The following CCNY variants were observed in gnomAD, a reference collection of about 807,000 sequenced individuals.
CCNY encodes cyclin-Y.
In CCNY, 19 loss-of-function variants were observed where a neutral mutation model predicts 42.8. That is an observed-to-expected ratio of 0.44 (90% CI 0.31 to 0.65). The LOEUF (loss-of-function observed/expected upper bound fraction) is 0.65. Ranked by LOEUF, CCNY falls within the 30% of genes least tolerant of loss-of-function variation. The pLI, the probability that CCNY is intolerant of heterozygous loss-of-function variation, is 0.07. For synonymous variants in CCNY, 165 were observed against 162.7 expected (o/e 1.01, Z -0.11); for missense variants, 370 against 437.3 (o/e 0.85, Z 1.37).
chr10:35,566,210 T>C, intron 9 of CCNY, 25 bp downstream of exon 9: 1 of 1,601,978 alleles, frequency 6.2e-7, no homozygotes. Context: ...AACAGCGTTT[T>C]GTGGTGCAGT....
At chr10:35,486,851 C>T (rs1341019351) in intron 2 of CCNY, among the ~76,000 whole-genome samples, 1 of 152,200 alleles carries the variant, frequency 6.6e-6, no homozygotes, top group Non-Finnish European at 1.5e-5. Context: ...TTCTTCTGTC[C>T]TCCAGGCTCC....
chr10:35,513,887 A>G (rs746596265), intron 3 of CCNY, among the ~76,000 whole-genome samples: 7 of 152,202 alleles, frequency 4.6e-5, no homozygotes, highest in Non-Finnish European at 8.8e-5. Context: ...ATTAACAAAA[A>G]TATTTTGAGT....
intron 4 of CCNY, among the ~76,000 whole-genome samples, chr10:35,522,497 AGGGCAATAAGAGCCACACTCCAGG>A (rs1840569352): frequency 6.6e-6 from 1 of 152,180 alleles, no homozygotes; most frequent in African/African-American, 2.4e-5. Context: ...TCTCTGGGCA[AGGGCAATAAGAGCCACACTCCAGG>A]GGGAGGCCAA....
intron 3 of CCNY, among the ~76,000 whole-genome samples, chr10:35,323,083 G>A (rs932120170): frequency 1.3e-5 from 2 of 152,130 alleles, no homozygotes; most frequent in African/African-American, 4.8e-5. Flanking sequence ...GTGCCACCAT[G>A]CGTGGCAAAT....
chr10:35,553,362 A>G (rs995793448), intron 8 of CCNY, among the ~76,000 whole-genome samples, 177 bp downstream of exon 8: 2 of 152,202 alleles, frequency 1.3e-5, no homozygotes, highest in Non-Finnish European at 2.9e-5. Context: ...GAAAACCTGC[A>G]TTTCTCATCA....
intron 1 of CCNY, among the ~76,000 whole-genome samples, chr10:35,434,518 T>C (rs1364477895): frequency 6.6e-6 from 1 of 152,244 alleles, no homozygotes; most frequent in African/African-American, 2.4e-5. Flanking sequence ...ACAAATGGTA[T>C]TTAAAAAAGT....
intron 1 of CCNY, among the ~76,000 whole-genome samples, chr10:35,445,308 T>C (rs961986240): frequency 2.6e-5 from 4 of 152,186 alleles, no homozygotes; most frequent in Non-Finnish European, 5.9e-5. Flanking sequence ...TCTCCACCCA[T>C]GCAGACATTA....
chr10:35,401,663 G>A (rs1025052614), intron 1 of CCNY, among the ~76,000 whole-genome samples: 2 of 152,094 alleles, frequency 1.3e-5, no homozygotes, highest in Middle Eastern at 6.8e-3. Flanking sequence ...CAACAAGGCT[G>A]TTTGTTTCAC....
intron 1 of CCNY, among the ~76,000 whole-genome samples, chr10:35,418,910 T>A (rs866168865): frequency 3.3e-5 from 5 of 152,028 alleles, no homozygotes; most frequent in African/African-American, 1.2e-4. Context: ...AACCTCCGCC[T>A]CCTGGGTTCA....
chr10:35,269,779 A>G (rs916424674), intron 3 of CCNY, among the ~76,000 whole-genome samples: 13 of 151,146 alleles, frequency 8.6e-5, no homozygotes, highest in African/African-American at 3.2e-4. Flanking sequence ...ACAGGTGCCC[A>G]CCACCATGCC....
intron 3 of CCNY, among the ~76,000 whole-genome samples, chr10:35,311,746 C>G (rs112005429): frequency 0.011 from 1,541 of 136,310 alleles, 23 homozygotes; most frequent in African/African-American, 0.039. Context: ...AACAATTTGG[C>G]AGGTTAAGGT....
intron 1 of CCNY, among the ~76,000 whole-genome samples, chr10:35,465,896 G>A (rs1471314470): frequency 9.1e-6 from 1 of 110,390 alleles, no homozygotes; most frequent in African/African-American, 3.4e-5. Flanking sequence ...TTATCAGCAG[G>A]GTAGGGGGAA....
chr10:35,567,280 G>A (rs954582293), intron 9 of CCNY, among the ~76,000 whole-genome samples: 1 of 152,148 alleles, frequency 6.6e-6, no homozygotes, highest in Non-Finnish European at 1.5e-5. Flanking sequence ...GTTTTGGGCC[G>A]TCATTATTAA....
intron 1 of CCNY, among the ~76,000 whole-genome samples, chr10:35,353,612 C>G (rs1836474993): frequency 1.3e-5 from 2 of 152,176 alleles, no homozygotes; most frequent in African/African-American, 4.8e-5. Flanking sequence ...CTCCCCAAAG[C>G]TGGTTCACAG....
intron 3 of CCNY, among the ~76,000 whole-genome samples, chr10:35,254,441 A>C (rs1045267123): frequency 6.6e-6 from 1 of 152,126 alleles, no homozygotes; most frequent in Non-Finnish European, 1.5e-5. Flanking sequence ...CTTTCCTGTG[A>C]GTTGAGAATA....
chr10:35,506,624 AAGTGTAATGGTCCATTCAAATACAGGGC>A (rs2135397068), intron 3 of CCNY, among the ~76,000 whole-genome samples: 1 of 152,238 alleles, frequency 6.6e-6, no homozygotes, highest in African/African-American at 2.4e-5. Flanking sequence ...GGCACTTGTA[AAGTGTAATGGTCCATTCAAATACAGGGC>A]AGCCGACAGG....
rs1220189915 is a variant in CCNY, at chr10:35,257,257, T to C, written c.-9+6631T>C. Reference sequence around the variant, plus strand: ...CTTCCTTCCTCTTTCTTTCTCTCTCTCTTTCTCCCTTTCTTTTTTTCCTTT... The same window carrying C: ...CTTCCTTCCTCTTTCTTTCTCTCTCCCTTTCTCCCTTTCTTTTTTTCCTTT... On this transcript the variant is annotated intron_variant, in intron 3 of 11. Coordinates refer to the CCNY transcript ENST00000374706. Among the ~76,000 whole-genome samples, 2 of 141,866 alleles carry C rather than the reference T, an allele frequency of 1.4e-5. 1 individual carries two copies. The highest frequency in any genetic ancestry group is 1.4e-4 in the Admixed American group (2 of 14,086). The allele number at this position is 141,866 out of a possible 152,430, so 93.1% of individuals were successfully genotyped here. A position where few individuals can be genotyped will look rare whatever the true frequency, so the allele number is the denominator to read the frequency against.
chr10:35,408,762 T>A (rs1010996350), intron 1 of CCNY, among the ~76,000 whole-genome samples: 1 of 152,092 alleles, frequency 6.6e-6, no homozygotes, highest in Non-Finnish European at 1.5e-5. Flanking sequence ...AGTAATATGA[T>A]GGGTTGAGGG....
At chr10:35,531,221 A>G (rs1371045413) in intron 7 of CCNY, among the ~76,000 whole-genome samples, 1 of 152,208 alleles carries the variant, frequency 6.6e-6, no homozygotes, top group Non-Finnish European at 1.5e-5. Flanking sequence ...TTGCCTGTGC[A>G]TGAGCTATCC....
Sources: gnomAD v4.1 joint callset for allele counts (sites outside exome capture counted in the v4.1 genomes callset) on GRCh38, gnomAD v4.1.1 for gene constraint, MANE v1.5 for transcripts, NCBI Gene and HGNC (gene_info 2026-07-23, HGNC 2026-07-21) for gene names.